Variants in NR2C1 observed in about 807,000 individuals in gnomAD.
NR2C1 encodes nuclear receptor subfamily 2 group C member 1, also known as TR2 nuclear hormone receptor.
In NR2C1, 33 loss-of-function variants were observed where a neutral mutation model predicts 74.8. The ratio of observed to expected loss-of-function variants is 0.44; its 90% CI spans 0.33 to 0.59. The LOEUF (loss-of-function observed/expected upper bound fraction) is 0.59, where lower values mean the gene tolerates loss of function less well. Among genes scored for constraint, NR2C1 ranks in the 20% least tolerant of loss-of-function variants. NR2C1 has a pLI of 0.02. For synonymous variants in NR2C1, 225 were observed against 240.6 expected (o/e 0.94, Z 0.60); for missense variants, 568 against 715.6 (o/e 0.79, Z 2.35).
chr12:95,064,444 C>G (rs1399611607), intron 2 of NR2C1, among the ~76,000 whole-genome samples: 2 of 151,550 alleles, frequency 1.3e-5, no homozygotes, highest in African/African-American at 2.4e-5. Flanking sequence ...TGACCAGGAA[C>G]AGGGTAGCAG....
Position 95,028,528 on chromosome 12 carries a change from T to A in NR2C1, c.1394-4A>T. The A allele has an allele frequency of 6.8e-7, 1 of 1,475,348 alleles. No homozygotes were observed. The highest frequency in any genetic ancestry group is 9.4e-7 in the Non-Finnish European group (1 of 1,063,732). 91.4% of individuals were successfully genotyped at this position (1,475,348 alleles called of 1,614,324 possible). The stretch of plus-strand genomic sequence containing the variant: ...CTTCTTTCTGTTGACATTTTATCTT[T>A]AATTAAAAATAAACAAATGCTTCTA... On this transcript the variant is annotated splice_polypyrimidine_tract_variant and splice_region_variant and intron_variant, in intron 11 of 13. Coordinates refer to ENST00000333003, the MANE Select transcript of NR2C1 (RefSeq NM_003297.4).
At chr12:95,046,004 T>A in intron 9 of NR2C1, among the ~76,000 whole-genome samples, 1 of 152,100 alleles carries the variant, frequency 6.6e-6, no homozygotes, top group South Asian at 2.1e-4. Context: ...TACGCCTGGC[T>A]AATTTTTGTA....
At chr12:95,028,275 CTT>C (rs200743901) in intron 12 of NR2C1, 110 bp downstream of exon 12, 6 of 814,034 alleles carry the variant, frequency 7.4e-6, no homozygotes, top group Non-Finnish European at 1.1e-5. Context: ...CTACTGAACT[CTT>C]TTCCCAGGTA....
chr12:95,068,998 A>T (rs1009240988), intron 1 of NR2C1, among the ~76,000 whole-genome samples: 1 of 152,098 alleles, frequency 6.6e-6, no homozygotes, highest in African/African-American at 2.4e-5. Context: ...ACTACATCTT[A>T]AAAGGACACA....
chr12:95,054,619 G>A lies in NR2C1; in HGVS notation c.784-2676C>T, dbSNP rs372547991. On this transcript the variant is annotated intron_variant, in intron 7 of 13. Transcript: ENST00000333003. The stretch of plus-strand genomic sequence containing the variant: ...TGCCCAGAAAAGCCCATAATGTTAA[G>A]CACTGCCCCAAGAAATTTTCTTATA... 1.4e-4 allele frequency among the ~76,000 whole-genome samples: 22 copies of A among 152,156 alleles called. No individual in the cohort carries two copies. In the East Asian group the frequency reaches 4.2e-3, roughly 29 times the overall value.
chr12:95,040,170 T>TC (rs1871335563), intron 10 of NR2C1, among the ~76,000 whole-genome samples: 1 of 82,942 alleles, frequency 1.2e-5, no homozygotes, highest in African/African-American at 3.8e-5. Flanking sequence ...TTACAGTCTC[T>TC]CTATCTTTGA....
intron 10 of NR2C1, among the ~76,000 whole-genome samples, chr12:95,034,803 T>C (rs1160399749): frequency 6.6e-6 from 1 of 152,194 alleles, no homozygotes; most frequent in Non-Finnish European, 1.5e-5. Flanking sequence ...CTAGGAGCAC[T>C]AGGCTGTAGC....
intron 2 of NR2C1, among the ~76,000 whole-genome samples, chr12:95,064,426 AG>A (rs1247114160): frequency 6.6e-6 from 1 of 152,152 alleles, no homozygotes; most frequent in Non-Finnish European, 1.5e-5. Flanking sequence ...ACATATGGGC[AG>A]AAATACTGAC....
chr12:95,051,182 C>T (rs1459294854), intron 8 of NR2C1, among the ~76,000 whole-genome samples: 1 of 152,142 alleles, frequency 6.6e-6, no homozygotes, highest in Non-Finnish European at 1.5e-5. Flanking sequence ...GCTCTAAAAT[C>T]AGAAACTTTT....
intron 8 of NR2C1, among the ~76,000 whole-genome samples, chr12:95,050,844 T>G (rs1238832752): frequency 6.6e-6 from 1 of 152,152 alleles, no homozygotes; most frequent in Non-Finnish European, 1.5e-5. Flanking sequence ...CTGATACTAC[T>G]TTCTTCAACT....
At position 95,067,326 on chromosome 12, in the gene NR2C1, C is replaced by T; in HGVS notation, c.54+5G>A. ...GCCAGTGCATCAACCGTAAACTAGA[C>T]ATACCTCTCCCATCTGTTGTTCAAT... On this transcript the variant is annotated splice_donor_5th_base_variant and intron_variant, in intron 2 of 13. Coordinates refer to ENST00000333003, the MANE Select transcript of NR2C1 (RefSeq NM_003297.4). 1 of 1,613,058 alleles carries T rather than the reference C, an allele frequency of 6.2e-7. No individual in the cohort carries two copies. Among genetic ancestry groups the T allele is most frequent in the Non-Finnish European group, 8.5e-7 (1 of 1,179,106 alleles).
chr12:95,053,681 G>GTT (rs550069594), intron 7 of NR2C1, among the ~76,000 whole-genome samples: 1,393 of 103,318 alleles, frequency 0.013, 30 homozygotes, highest in African/African-American at 0.024. Context: ...TCTTTTTGGT[G>GTT]TTTTTTTTTT....
At chr12:95,047,282 T>A (rs1269389647) in intron 9 of NR2C1, among the ~76,000 whole-genome samples, 5 of 152,204 alleles carry the variant, frequency 3.3e-5, no homozygotes, top group Non-Finnish European at 5.9e-5. Flanking sequence ...CCCTTGTCCA[T>A]AAATCTTACC....
chr12:95,038,539 C>T (rs527843579), intron 10 of NR2C1, among the ~76,000 whole-genome samples: 3 of 152,356 alleles, frequency 2.0e-5, no homozygotes, highest in African/African-American at 7.2e-5. Flanking sequence ...GAGCAGATCA[C>T]TTGAGGCCAG....
chr12:95,057,098 ATTTTTTTTTTTT>A, intron 7 of NR2C1, among the ~76,000 whole-genome samples: 1 of 111,560 alleles, frequency 9.0e-6, no homozygotes, highest in East Asian at 2.3e-4. Flanking sequence ...AACATTTCTG[ATTTTTTTTTTTT>A]TTTTTTTTTT....
chr12:95,071,602 CAGG>C (rs992773758), intron 1 of NR2C1, among the ~76,000 whole-genome samples: 3 of 152,024 alleles, frequency 2.0e-5, no homozygotes, highest in African/African-American at 4.8e-5. Context: ...CAGGCTGAGG[CAGG>C]AGGATAGCTT....
chr12:95,030,355 T>C (rs911813335), intron 11 of NR2C1: 2 of 867,384 alleles, frequency 2.3e-6, no homozygotes, highest in African/African-American at 3.5e-5. Context: ...ACTACTATAA[T>C]AAAAACAGAT....
chr12:95,021,280 T>G lies in NR2C1; in HGVS notation c.*949A>C, dbSNP rs1868751607. The G allele has an allele frequency of 6.6e-6, 1 of 152,044 alleles. No homozygotes were observed. Among genetic ancestry groups the G allele is most frequent in the African/African-American group, 2.4e-5 (1 of 41,430 alleles). The allele number at this position is 152,044 out of a possible 1,614,324, so 9.4% of individuals were successfully genotyped here. On this transcript the variant is annotated 3_prime_UTR_variant, in exon 14 of 14. Coordinates refer to ENST00000333003, the MANE Select transcript of NR2C1 (RefSeq NM_003297.4). ...CTCGAACTCCTGAGCTCAAGCAATC[T>G]GCCTGCCTCAGCCTCCCAAAGTGCT...
rs1870088476 is a variant in NR2C1, at chr12:95,031,374, A to G, written c.1368T>C (p.Asn456=). The change falls in exon 11 of 14, where the codon AAT becomes AAC. Residue 456 remains asparagine (N), a synonymous_variant. Coordinates refer to ENST00000333003, the MANE Select transcript of NR2C1 (RefSeq NM_003297.4). ...CTTGTTGAAGACTATTGTGAAGACA[A>G]TTGACAAATGTTGCTAATATAGTTG... ...NVATILATFV[N]CLHNSLQQDK... The G allele has an allele frequency of 1.9e-6, 3 of 1,604,350 alleles. No individual in the cohort carries two copies. Among genetic ancestry groups the G allele is most frequent in the East Asian group, 4.5e-5 (2 of 44,170 alleles).
Sources: allele counts gnomAD v4.1 joint callset (sites outside exome capture counted in the v4.1 genomes callset), GRCh38; gene constraint gnomAD v4.1.1; transcripts MANE v1.5; gene names NCBI Gene and HGNC (gene_info 2026-07-23, HGNC 2026-07-21).